GALNT17: variants seen among roughly 807,000 people sequenced by gnomAD.
GALNT17 encodes UDP-GalNAc:polypeptide N-acetylgalactosaminyltransferase-like 3.
Under a neutral mutation model 63.7 loss-of-function variants are expected in GALNT17, and 29 were observed. That is an observed-to-expected ratio of 0.46 (90% confidence interval 0.34 to 0.62). The LOEUF (loss-of-function observed/expected upper bound fraction) is 0.62, where lower values mean the gene tolerates loss of function less well. Ranked by LOEUF, GALNT17 falls within the 20% of genes least tolerant of loss-of-function variation. GALNT17 has a pLI of 0.01. For synonymous variants in GALNT17, 305 were observed against 318.3 expected (o/e 0.96, Z 0.45); for missense variants, 603 against 799.6 (o/e 0.75, Z 2.97).
At chr7:71,637,479 G>A (rs929135117) in intron 6 of GALNT17, among the ~76,000 whole-genome samples, 1 of 146,054 alleles carries the variant, frequency 6.8e-6, no homozygotes, top group African/African-American at 2.6e-5. Context: ...GTGAGCCACC[G>A]CACCTGGCCA....
chr7:71,404,048 G>A (rs574246580), intron 3 of GALNT17, among the ~76,000 whole-genome samples: 1 of 152,202 alleles, frequency 6.6e-6, no homozygotes, highest in Non-Finnish European at 1.5e-5. Context: ...ATGGGGTAAG[G>A]TAGGGGAATG....
intron 1 of GALNT17, among the ~76,000 whole-genome samples, chr7:71,253,998 T>G (rs1018657997): frequency 6.6e-6 from 1 of 152,154 alleles, no homozygotes; most frequent in African/African-American, 2.4e-5. Flanking sequence ...TGAGAACATG[T>G]GCCCCAGGAG....
chr7:71,377,114 A>AAAAAAAATATATATAT, intron 2 of GALNT17, among the ~76,000 whole-genome samples: 3 of 57,468 alleles, frequency 5.2e-5, no homozygotes, highest in African/African-American at 2.8e-4. Flanking sequence ...AAATAAAAAA[A>AAAAAAAATATATATAT]ATATATATAT....
chr7:71,434,741 A>C (rs529843578), intron 5 of GALNT17, among the ~76,000 whole-genome samples: 9 of 152,290 alleles, frequency 5.9e-5, no homozygotes, highest in Admixed American at 1.3e-4. Flanking sequence ...ACTAGTAGAA[A>C]ATTGCCGTAA....
At position 71,254,297 on chromosome 7, in the gene GALNT17, G is replaced by C. The variant is rs1790251778; in HGVS notation, c.239-81253G>C. Among the ~76,000 whole-genome samples, 5 of 152,292 alleles carry C rather than the reference G, an allele frequency of 3.3e-5. No homozygotes were observed. The South Asian group carries it at 1.0e-3, about 32-fold the overall frequency. Reference sequence around the variant, plus strand: ...AAGCCTCCAGGCAGCAGGCTTCAGAGCTCTTATTGGACATAAAAGGGTGCC... The same window carrying C: ...AAGCCTCCAGGCAGCAGGCTTCAGACCTCTTATTGGACATAAAAGGGTGCC... On this transcript the variant is annotated intron_variant, in intron 1 of 10. Transcript: ENST00000333538.
intron 5 of GALNT17, among the ~76,000 whole-genome samples, chr7:71,478,922 T>C (rs1236979137): frequency 6.6e-6 from 1 of 152,220 alleles, no homozygotes; most frequent in Non-Finnish European, 1.5e-5. Context: ...ATAAATCCCT[T>C]TTCTCTGAAA....
At chr7:71,203,661 A>G (rs1462520366) in intron 1 of GALNT17, among the ~76,000 whole-genome samples, 1 of 152,188 alleles carries the variant, frequency 6.6e-6, no homozygotes, top group Non-Finnish European at 1.5e-5. Context: ...CAGGCTTTGC[A>G]GGAAGTATAG....
At chr7:71,702,846 T>C (rs961903531) in intron 9 of GALNT17, among the ~76,000 whole-genome samples, 27 of 152,186 alleles carry the variant, frequency 1.8e-4, no homozygotes, top group African/African-American at 6.0e-4. Context: ...GTGTTTGGCC[T>C]AAGCAACTGT....
At chr7:71,581,136 G>A (rs1037482178) in intron 6 of GALNT17, among the ~76,000 whole-genome samples, 5 of 152,052 alleles carry the variant, frequency 3.3e-5, no homozygotes, top group African/African-American at 1.2e-4. Context: ...AAGCAAGGGA[G>A]GAAGGGCTAA....
chr7:71,260,955 GT>G (rs1177323449), intron 1 of GALNT17, among the ~76,000 whole-genome samples: 1 of 152,114 alleles, frequency 6.6e-6, no homozygotes, highest in Non-Finnish European at 1.5e-5. Context: ...AAACCCAGGT[GT>G]TAAATTTCAA....
At chr7:71,368,316 C>G (rs1371454301) in intron 2 of GALNT17, among the ~76,000 whole-genome samples, 1 of 152,198 alleles carries the variant, frequency 6.6e-6, no homozygotes, top group Admixed American at 6.5e-5. Flanking sequence ...TTCTTTTCCT[C>G]GCCTCAGTCC....
chr7:71,294,723 T>G (rs1791046596), intron 1 of GALNT17, among the ~76,000 whole-genome samples: 1 of 152,184 alleles, frequency 6.6e-6, no homozygotes, highest in Admixed American at 6.5e-5. Context: ...CCATATCTCA[T>G]AAATCCTGTA....
intron 5 of GALNT17, among the ~76,000 whole-genome samples, chr7:71,456,251 A>C (rs1247778484): frequency 3.3e-5 from 5 of 152,178 alleles, no homozygotes; most frequent in African/African-American, 1.2e-4. Context: ...ATCTCAAAAA[A>C]AAAAGATTAA....
At chr7:71,287,894 A>C (rs940756495) in intron 1 of GALNT17, among the ~76,000 whole-genome samples, 2 of 151,430 alleles carry the variant, frequency 1.3e-5, no homozygotes, top group Non-Finnish European at 1.5e-5. Flanking sequence ...TCCACTAAAA[A>C]CACAAAAATT....
At chr7:71,603,055 C>T (rs1401688874) in intron 6 of GALNT17, among the ~76,000 whole-genome samples, 2 of 151,880 alleles carry the variant, frequency 1.3e-5, no homozygotes, top group Admixed American at 1.3e-4. Context: ...TAAGTGCATA[C>T]ACTGGATACT....
At chr7:71,425,094 C>T (rs1402958288) in intron 5 of GALNT17, among the ~76,000 whole-genome samples, 1 of 152,108 alleles carries the variant, frequency 6.6e-6, no homozygotes, top group Non-Finnish European at 1.5e-5. Context: ...AGCAAGTGGG[C>T]AAGTGCCATT....
chr7:71,157,822 CTG>C (rs1788265641), intron 1 of GALNT17, among the ~76,000 whole-genome samples: 1 of 151,778 alleles, frequency 6.6e-6, no homozygotes, highest in African/African-American at 2.4e-5. Flanking sequence ...AGTCTACTCT[CTG>C]TCTTCATGAG....
chr7:71,258,455 A>C (rs1475152053), intron 1 of GALNT17, among the ~76,000 whole-genome samples: 2 of 152,234 alleles, frequency 1.3e-5, no homozygotes, highest in Non-Finnish European at 2.9e-5. Flanking sequence ...TCTATGCAAC[A>C]AATATGGCAC....
chr7:71,379,560 G>T (rs959560134), intron 2 of GALNT17, among the ~76,000 whole-genome samples: 14 of 152,122 alleles, frequency 9.2e-5, no homozygotes, highest in African/African-American at 3.4e-4. Flanking sequence ...CAATGGAGGA[G>T]AAGGGACAAA....
Sources: allele counts gnomAD v4.1 joint callset (sites outside exome capture counted in the v4.1 genomes callset), GRCh38; gene constraint gnomAD v4.1.1; transcripts MANE v1.5; gene names NCBI Gene and HGNC (gene_info 2026-07-23, HGNC 2026-07-21).